Variants in GALK2 observed in about 807,000 individuals in gnomAD.
The protein encoded by GALK2 is N-acetylgalactosamine kinase.
A neutral mutation model predicts 52.4 loss-of-function variants in GALK2; 36 were observed. The ratio of observed to expected loss-of-function variants is 0.69; its 90% CI spans 0.53 to 0.91. GALK2 has a LOEUF of 0.91. Ranked by LOEUF, GALK2 falls within the 40% of genes least tolerant of loss-of-function variation. GALK2 has a pLI of 0.00. For synonymous variants in GALK2, 176 were observed against 199.1 expected (o/e 0.88, Z 0.98); for missense variants, 579 against 559.1 (o/e 1.04, Z -0.36).
chr15:49,367,478 T>G (rs751665404), intron 3 of GALK2: 1 of 1,596,836 alleles, frequency 6.3e-7, no homozygotes, highest in South Asian at 1.2e-5. Context: ...GAGTTTAATC[T>G]TGGTTTTCTT....
intron 3 of GALK2, among the ~76,000 whole-genome samples, chr15:49,227,920 A>G (rs2090228110): frequency 6.6e-6 from 1 of 152,076 alleles, no homozygotes; most frequent in South Asian, 2.1e-4. Flanking sequence ...TTCATGATAA[A>G]TGTGCTCAGC....
At chr15:49,365,770 AC>A in intron 3 of GALK2, 1 of 854,814 alleles carries the variant, frequency 1.2e-6, no homozygotes, top group Non-Finnish European at 2.0e-6. Flanking sequence ...ATTTTGAAAC[AC>A]AGCCCAAACA....
intron 3 of GALK2, among the ~76,000 whole-genome samples, chr15:49,355,558 T>A (rs1404841728): frequency 6.6e-6 from 1 of 151,952 alleles, no homozygotes; most frequent in Non-Finnish European, 1.5e-5. Flanking sequence ...TAAAAAGAAA[T>A]GAGCAAAGCC....
At chr15:49,281,878 G>T in intron 5 of GALK2, 109 bp from the exon 6 acceptor site, 1 of 708,830 alleles carries the variant, frequency 1.4e-6, no homozygotes, top group Non-Finnish European at 2.4e-6. Flanking sequence ...ACTATTAGTT[G>T]ATCAGAGTTG....
intron 1 of GALK2, among the ~76,000 whole-genome samples, chr15:49,162,314 CAGTT>C (rs1296465396): frequency 2.6e-5 from 4 of 152,152 alleles, no homozygotes; most frequent in African/African-American, 4.8e-5. Flanking sequence ...TTGCATGTAT[CAGTT>C]GGTTGTTTCT....
At chr15:49,212,153 C>T (rs1306823414) in intron 2 of GALK2, among the ~76,000 whole-genome samples, 9 of 152,194 alleles carry the variant, frequency 5.9e-5, no homozygotes, top group East Asian at 1.9e-4. Flanking sequence ...AGTGCAGTGG[C>T]GCTATCTCAA....
intron 1 of GALK2, among the ~76,000 whole-genome samples, chr15:49,194,453 A>G (rs1043567676): frequency 6.6e-6 from 1 of 152,098 alleles, no homozygotes; most frequent in Non-Finnish European, 1.5e-5. Flanking sequence ...TTATGCACTG[A>G]TATCTCACTG....
At chr15:49,317,371 A>G (rs2036505205) in intron 8 of GALK2, among the ~76,000 whole-genome samples, 1 of 132,456 alleles carries the variant, frequency 7.5e-6, no homozygotes, top group African/African-American at 2.5e-5. Flanking sequence ...ACCATCTCAC[A>G]CCAGTTAGAA....
intron 5 of GALK2, among the ~76,000 whole-genome samples, chr15:49,244,248 T>A (rs1217072322): frequency 6.7e-6 from 1 of 149,984 alleles, no homozygotes; most frequent in Non-Finnish European, 1.5e-5. Context: ...GTCCAGAAGA[T>A]TTTTTTTTTA....
chr15:49,184,477 A>C (rs1050211620), intron 1 of GALK2, among the ~76,000 whole-genome samples: 2 of 152,062 alleles, frequency 1.3e-5, no homozygotes, highest in Non-Finnish European at 2.9e-5. Flanking sequence ...TTTACGTTCA[A>C]TGTTATTGTT....
At chr15:49,197,503 G>T (rs998176673) in intron 1 of GALK2, among the ~76,000 whole-genome samples, 2 of 151,988 alleles carry the variant, frequency 1.3e-5, no homozygotes, top group Non-Finnish European at 2.9e-5. Context: ...AGATATCTTG[G>T]GGATAGCACC....
intron 1 of GALK2, chr15:49,195,086 T>C (rs1052276384): frequency 1.3e-5 from 6 of 452,816 alleles, no homozygotes; most frequent in African/African-American, 2.0e-5. Context: ...TTATTTGAGA[T>C]GGAGTCTCGC....
chr15:49,187,301 C>A (rs1420499631), intron 1 of GALK2, among the ~76,000 whole-genome samples: 1 of 152,192 alleles, frequency 6.6e-6, no homozygotes, highest in East Asian at 1.9e-4. Flanking sequence ...GAATTTCTTT[C>A]TCCATACTGA....
intron 5 of GALK2, among the ~76,000 whole-genome samples, chr15:49,263,645 A>C (rs2092231931): frequency 8.2e-6 from 1 of 121,518 alleles, no homozygotes; most frequent in Non-Finnish European, 1.8e-5. Context: ...TTGTTAGTTG[A>C]TGCAGTTTCT....
At chr15:49,299,232 A>C (rs995585315) in intron 8 of GALK2, among the ~76,000 whole-genome samples, 12 of 152,050 alleles carry the variant, frequency 7.9e-5, no homozygotes, top group African/African-American at 2.9e-4. Context: ...GTCAGTGGTG[A>C]TATCACCTTT....
intron 5 of GALK2, among the ~76,000 whole-genome samples, chr15:49,249,795 T>A (rs2091510557): frequency 6.6e-6 from 1 of 152,218 alleles, no homozygotes; most frequent in Non-Finnish European, 1.5e-5. Context: ...TCCCACAATT[T>A]AGCCTAAATA....
At chr15:49,194,258 G>C (rs957268042) in intron 1 of GALK2, 1 of 152,088 alleles carries the variant, frequency 6.6e-6, no homozygotes, top group African/African-American at 2.4e-5. Flanking sequence ...CCAGGGAGGC[G>C]GAGGTTGGAG....
chr15:49,164,960 A>G (rs2084775784), intron 1 of GALK2, among the ~76,000 whole-genome samples: 1 of 152,104 alleles, frequency 6.6e-6, no homozygotes, highest in South Asian at 2.1e-4. Context: ...GATGGAATGT[A>G]TACTAGATGC....
At chr15:49,228,694 T>A (rs1231856169) in intron 3 of GALK2, among the ~76,000 whole-genome samples, 4 of 74,090 alleles carry the variant, frequency 5.4e-5, no homozygotes, top group East Asian at 6.1e-4. Flanking sequence ...TATATTTTTT[T>A]TTTTTTTTTT....
Sources: allele counts gnomAD v4.1 joint callset (sites outside exome capture counted in the v4.1 genomes callset), GRCh38; gene constraint gnomAD v4.1.1; transcripts MANE v1.5; gene names NCBI Gene and HGNC (gene_info 2026-07-23, HGNC 2026-07-21).